Variants in RBKS observed in about 807,000 individuals in gnomAD.
The protein encoded by RBKS is ribokinase.
In RBKS, 33 loss-of-function variants were observed where a neutral mutation model predicts 33.9. That is an observed-to-expected ratio of 0.97 (90% CI 0.74 to 1.30). The LOEUF is 1.30. Among genes scored for constraint, RBKS ranks in the 50% most tolerant of loss-of-function variants. RBKS has a pLI of 0.00. For synonymous variants in RBKS, 125 were observed against 143.0 expected, an observed-to-expected ratio of 0.87 and a Z score of 0.90; for missense variants, 361 against 392.6, an observed-to-expected ratio of 0.92 and a Z score of 0.68.
chr2:27,820,273 C>A (rs936102942), intron 7 of RBKS, among the ~76,000 whole-genome samples: 1 of 152,144 alleles, frequency 6.6e-6, no homozygotes, highest in Non-Finnish European at 1.5e-5. Context: ...ACCTTCTCCC[C>A]AGCCTATACC....
intron 1 of RBKS, among the ~76,000 whole-genome samples, chr2:27,879,353 G>C (rs1664376749): frequency 6.6e-6 from 1 of 152,192 alleles, no homozygotes; most frequent in African/African-American, 2.4e-5. Context: ...TTAATTGCCA[G>C]TGAAATGGCA....
intron 4 of RBKS, among the ~76,000 whole-genome samples, chr2:27,844,456 G>A (rs568385188): frequency 1.3e-5 from 2 of 151,974 alleles, no homozygotes; most frequent in Admixed American, 6.6e-5. Context: ...GCAGTCGTGC[G>A]ATCTTGGCTC....
At chr2:27,862,773 C>T (rs925913625) in intron 1 of RBKS, among the ~76,000 whole-genome samples, 12 of 152,060 alleles carry the variant, frequency 7.9e-5, no homozygotes, top group Admixed American at 3.9e-4. Flanking sequence ...CAGTTTATGG[C>T]GGATTTAATT....
chr2:27,890,194 CGCATAGCG>C lies in RBKS; in HGVS notation c.89+55_89+62del. 6.6e-7 allele frequency: 1 copy of C among 1,508,700 alleles called. No individual in the cohort carries two copies. The highest frequency in any genetic ancestry group is 9.2e-7 in the Non-Finnish European group (1 of 1,092,026). The allele number at this position is 1,508,700 out of a possible 1,614,324, so 93.5% of individuals were successfully genotyped here. ...CCCAGCGCCCAAAAGCTCCACTGGG[CGCATAGCG>C]CACGGCACGCCTCCTCCCCCGAGCC... On this transcript the variant is annotated intron_variant, in intron 1 of 7. Coordinates refer to ENST00000302188, the MANE Select transcript of RBKS (RefSeq NM_022128.3). The surrounding 1 kb of genome is among the most constrained non-coding windows in gnomAD (Gnocchi z 4.8).
At chr2:27,850,353 A>C (rs1027061225) in intron 2 of RBKS, among the ~76,000 whole-genome samples, 1 of 152,240 alleles carries the variant, frequency 6.6e-6, no homozygotes, top group East Asian at 1.9e-4. Context: ...CATAGTTTAC[A>C]TTAGGGTTCA....
rs966476363 is a variant in RBKS, at chr2:27,850,788, G to A, written c.223-2691C>T. Among the ~76,000 whole-genome samples, 11 of 152,122 alleles carry A rather than the reference G, an allele frequency of 7.2e-5. No individual in the cohort carries two copies. The South Asian group carries it at 1.2e-3, about 17-fold the overall frequency. On this transcript the variant is annotated intron_variant, in intron 2 of 7. Coordinates refer to ENST00000302188, the MANE Select transcript of RBKS (RefSeq NM_022128.3). ...AGCTGCTATAAATATCTGTGTGCAG[G>A]TTTTGGTGTAAATGCCCTGCTATTT...
chr2:27,809,544 C>T (rs1450511574), intron 7 of RBKS: 1 of 166,920 alleles, frequency 6.0e-6, no homozygotes, highest in Admixed American at 5.8e-5. Flanking sequence ...ACTAAAATGT[C>T]TGTTAGTGAT....
intron 7 of RBKS, among the ~76,000 whole-genome samples, chr2:27,787,506 C>T (rs553036246): frequency 2.0e-5 from 3 of 152,294 alleles, no homozygotes; most frequent in African/African-American, 4.8e-5. Flanking sequence ...GGGATCCTCC[C>T]GCCTTGGCCT....
chr2:27,862,325 G>T (rs1271115452), intron 1 of RBKS, among the ~76,000 whole-genome samples: 3 of 152,170 alleles, frequency 2.0e-5, no homozygotes, highest in Non-Finnish European at 4.4e-5. Flanking sequence ...AAAGTGAAAA[G>T]TTAAATGACA....
At chr2:27,841,804 TAGTC>T (rs1197135890) in intron 5 of RBKS, among the ~76,000 whole-genome samples, 1 of 151,768 alleles carries the variant, frequency 6.6e-6, no homozygotes, top group Non-Finnish European at 1.5e-5. Context: ...TCTTGAGAAA[TAGTC>T]AGTGTGGTTC....
chr2:27,867,566 C>A (rs1030898893), intron 1 of RBKS, among the ~76,000 whole-genome samples: 1 of 152,028 alleles, frequency 6.6e-6, no homozygotes, highest in Non-Finnish European at 1.5e-5. Flanking sequence ...GCTGAGTATA[C>A]AAGGTGTCAG....
rs569620313 is a variant in RBKS, at chr2:27,888,646, T to A, written c.89+1611A>T. The stretch of plus-strand genomic sequence containing the variant: ...CCATATAACCTTTTCTTGAAAAGAG[T>A]CATCACCAGTAAAATCAATTGCTAT... On this transcript the variant is annotated intron_variant, in intron 1 of 7. Transcript: ENST00000302188. Among the ~76,000 whole-genome samples the A allele has an allele frequency of 2.6e-5, 4 of 152,306 alleles. No homozygotes were observed. The East Asian group carries it at 7.7e-4, about 29-fold the overall frequency.
At chr2:27,840,303 T>C (rs1057367645) in intron 5 of RBKS, among the ~76,000 whole-genome samples, 1 of 145,576 alleles carries the variant, frequency 6.9e-6, no homozygotes, top group Non-Finnish European at 1.5e-5. Context: ...ACCACTCTTC[T>C]TGCATATGAG....
chr2:27,832,657 A>C, intron 6 of RBKS, 29 bp downstream of exon 6: 1 of 1,500,854 alleles, frequency 6.7e-7, no homozygotes, highest in Non-Finnish European at 9.3e-7. Flanking sequence ...TTGGTTTCTC[A>C]TAGAATGAGC....
intron 7 of RBKS, among the ~76,000 whole-genome samples, chr2:27,818,173 A>G (rs1398415214): frequency 2.6e-5 from 4 of 152,254 alleles, no homozygotes; most frequent in African/African-American, 9.6e-5. Flanking sequence ...ACAATCAGGT[A>G]TATAGGGATG....
At chr2:27,849,208 TA>T (rs1214270788) in intron 2 of RBKS, among the ~76,000 whole-genome samples, 1 of 152,130 alleles carries the variant, frequency 6.6e-6, no homozygotes, top group African/African-American at 2.4e-5. Context: ...AATTTTATTT[TA>T]TTTTTTTTTG....
At chr2:27,866,299 T>C (rs780594099) in intron 1 of RBKS, among the ~76,000 whole-genome samples, 32 of 152,232 alleles carry the variant, frequency 2.1e-4, no homozygotes, top group Non-Finnish European at 2.2e-4. Flanking sequence ...TTCCTCTATA[T>C]GTAATGTGTA....
At chr2:27,783,979 T>TC (rs1558531198) in intron 7 of RBKS, among the ~76,000 whole-genome samples, 1 of 74,342 alleles carries the variant, frequency 1.3e-5, no homozygotes, top group African/African-American at 5.0e-5. Flanking sequence ...CATTTTCTTT[T>TC]TTTTTTTTTT....
intron 7 of RBKS, among the ~76,000 whole-genome samples, chr2:27,792,367 T>C (rs921264302): frequency 2.0e-5 from 3 of 152,234 alleles, no homozygotes; most frequent in Non-Finnish European, 4.4e-5. Context: ...AATGAAGTTA[T>C]TAACATCTCT....
Sources: allele counts gnomAD v4.1 joint callset (sites outside exome capture counted in the v4.1 genomes callset), GRCh38; gene constraint gnomAD v4.1.1; non-coding constraint Gnocchi (gnomAD v3.1); transcripts MANE v1.5; gene names NCBI Gene and HGNC (gene_info 2026-07-23, HGNC 2026-07-21).